DDX31: variants seen among roughly 807,000 people sequenced by gnomAD.
DDX31 encodes the protein ATP-dependent DNA helicase DDX31.
Under a neutral mutation model 91.3 loss-of-function variants are expected in DDX31, and 70 were observed. The ratio of observed to expected loss-of-function variants is 0.77; its 90% CI spans 0.63 to 0.94. DDX31 has a LOEUF of 0.94. Among genes scored for constraint, DDX31 ranks in the 40% least tolerant of loss-of-function variants. DDX31 has a pLI of 0.00. For missense variants in DDX31, 902 were observed against 925.0 expected (o/e 0.98, Z 0.32); for synonymous variants, 362 against 350.6 (o/e 1.03, Z -0.36).
chr9:132,602,027 A>T (rs921298303), intron 19 of DDX31, among the ~76,000 whole-genome samples: 4 of 152,242 alleles, frequency 2.6e-5, no homozygotes, highest in Non-Finnish European at 2.9e-5. Context: ...GCATATTGTC[A>T]TGTGAACTAA....
chr9:132,662,831 G>T, intron 1 of DDX31, 136 bp from the exon 2 acceptor site: 1 of 1,227,044 alleles, frequency 8.1e-7, no homozygotes, highest in Non-Finnish European at 1.1e-6. Flanking sequence ...TCAAGCAACA[G>T]TTTAGGGTTT....
At chr9:132,633,334 G>C (rs796250775) in intron 14 of DDX31, among the ~76,000 whole-genome samples, 3 of 152,186 alleles carry the variant, frequency 2.0e-5, no homozygotes, top group African/African-American at 7.2e-5. Flanking sequence ...ATTTGCTCTT[G>C]ACCCAGAGCA....
At chr9:132,662,192 T>C in intron 3 of DDX31, 69 bp downstream of exon 3, 1 of 1,531,016 alleles carries the variant, frequency 6.5e-7, no homozygotes, top group South Asian at 1.2e-5. Flanking sequence ...GAGCGGCCAT[T>C]TCACAGACCT....
chr9:132,651,005 G>A, intron 8 of DDX31, 70 bp downstream of exon 8: 1 of 1,317,660 alleles, frequency 7.6e-7, no homozygotes, highest in South Asian at 1.3e-5. Context: ...ATAAAGAATA[G>A]ACTGTAGTAT....
chr9:132,658,678 T>A lies in DDX31; in HGVS notation c.581A>T (p.Lys194Ile). 6.2e-7 allele frequency: 1 copy of A among 1,613,958 alleles called. No homozygotes were observed. The highest frequency in any genetic ancestry group is 8.5e-7 in the Non-Finnish European group (1 of 1,179,922). Reference protein sequence around the residue: ...VVQSLQAMESKIQRSDGPYAL... With the variant: ...VVQSLQAMESIIQRSDGPYAL... ...AACACATTTGATACACACCTGTATT[T>A]TTGACTCCATTGCTTGAAGGGACTG... is the stretch of plus-strand genomic sequence containing the variant. Residue 194 changes from lysine to isoleucine, a missense_variant, in exon 6 of 20, where the codon AAA becomes ATA. Physicochemically the swap from Lys to Ile is moderately radical, Grantham distance 102 (BLOSUM62 -3). Transcript: ENST00000372159.
intron 17 of DDX31, among the ~76,000 whole-genome samples, chr9:132,619,516 CAG>C (rs1351364917): frequency 3.3e-5 from 5 of 152,186 alleles, no homozygotes; most frequent in Admixed American, 1.3e-4. Context: ...TTAAGGCTGA[CAG>C]AGGAAGAACA....
intron 18 of DDX31, 72 bp from the exon 19 acceptor site, chr9:132,612,327 T>C (rs922953070): frequency 1.9e-6 from 3 of 1,569,048 alleles, no homozygotes; most frequent in Admixed American, 1.7e-5. Flanking sequence ...CCCGGCCTAA[T>C]GGTTATCTTC....
At chr9:132,630,229 G>T in intron 16 of DDX31, 35 bp downstream of exon 16, 1 of 1,548,176 alleles carries the variant, frequency 6.5e-7, no homozygotes, top group Non-Finnish European at 8.8e-7. Flanking sequence ...AATTAGGTGA[G>T]ACCAGCCGAA....
intron 6 of DDX31, 109 bp from the exon 7 acceptor site, chr9:132,652,601 G>T: frequency 1.5e-6 from 2 of 1,375,464 alleles, no homozygotes; most frequent in Non-Finnish European, 1.0e-6. Context: ...CACTCTTAAT[G>T]AAGAAAGGGA....
chr9:132,631,991 T>C, intron 15 of DDX31, 50 bp downstream of exon 15: 7 of 1,533,694 alleles, frequency 4.6e-6, no homozygotes, highest in Non-Finnish European at 6.3e-6. Flanking sequence ...CATCTACTCA[T>C]GATCATATAT....
intron 14 of DDX31, among the ~76,000 whole-genome samples, chr9:132,639,973 A>G (rs933613201): frequency 1.3e-5 from 2 of 152,248 alleles, no homozygotes; most frequent in African/African-American, 4.8e-5. Flanking sequence ...TTAGAAAAAC[A>G]CACACACTGG....
chr9:132,646,779 GCCTT>G (rs1564322303), intron 12 of DDX31, 40 bp downstream of exon 12: 1 of 1,577,574 alleles, frequency 6.3e-7, no homozygotes, highest in South Asian at 1.1e-5. Flanking sequence ...AAGAAAGCAG[GCCTT>G]TCTTCCCTGA....
At chr9:132,622,033 T>C (rs905528652) in intron 17 of DDX31, among the ~76,000 whole-genome samples, 28 of 151,454 alleles carry the variant, frequency 1.8e-4, no homozygotes, top group Non-Finnish European at 3.8e-4. Context: ...CTTAAAAATA[T>C]CCAAGCATTC....
At position 132,609,989 on chromosome 9, in the gene DDX31, G is replaced by A. The variant is rs114808384; in HGVS notation, c.1994+2098C>T. Among the ~76,000 whole-genome samples, 1,005 of 152,298 alleles carry A rather than the reference G, an allele frequency of 6.6e-3. 11 individuals are homozygous for A. The highest frequency in any genetic ancestry group is 0.023 in the African/African-American group (965 of 41,558). On this transcript the variant is annotated intron_variant, in intron 19 of 19. Coordinates refer to ENST00000372159, the MANE Select transcript of DDX31 (RefSeq NM_022779.9). ...CTGCTCTCAAAGTGTCACCATTGCC[G>A]AGATGGTAACAAAATGATCAGGCTT...
chr9:132,652,580 A>C, intron 6 of DDX31, 88 bp from the exon 7 acceptor site: 2 of 1,517,820 alleles, frequency 1.3e-6, no homozygotes, highest in Non-Finnish European at 1.8e-6. Flanking sequence ...CCGGTTGTAG[A>C]ACATCAGAAG....
intron 14 of DDX31, among the ~76,000 whole-genome samples, chr9:132,637,123 T>C (rs1833166168): frequency 6.6e-6 from 1 of 152,116 alleles, no homozygotes; most frequent in South Asian, 2.1e-4. Context: ...ACTCTCCTCT[T>C]CCATCATATC....
chr9:132,664,026 A>G (rs1055200310), intron 1 of DDX31, among the ~76,000 whole-genome samples: 2 of 152,170 alleles, frequency 1.3e-5, no homozygotes, highest in Admixed American at 6.5e-5. Flanking sequence ...ACTTCCTGAC[A>G]GTCCCGGGCA....
At chr9:132,609,602 A>G (rs1026262960) in intron 19 of DDX31, among the ~76,000 whole-genome samples, 1 of 152,216 alleles carries the variant, frequency 6.6e-6, no homozygotes, top group Non-Finnish European at 1.5e-5. Context: ...AGGGATCGGA[A>G]TAAACAAAGA....
intron 17 of DDX31, among the ~76,000 whole-genome samples, chr9:132,619,975 A>G (rs1831910734): frequency 6.6e-6 from 1 of 152,052 alleles, no homozygotes; most frequent in African/African-American, 2.4e-5. Context: ...AAGCACTTTA[A>G]TAATGAAAAC....
Sources: gnomAD v4.1 joint callset for allele counts (sites outside exome capture counted in the v4.1 genomes callset) on GRCh38, gnomAD v4.1.1 for gene constraint, MANE v1.5 for transcripts, NCBI Gene and HGNC (gene_info 2026-07-23, HGNC 2026-07-21) for gene names.